The following ZNF771 variants were observed in gnomAD, a reference collection of about 807,000 sequenced individuals.
ZNF771 encodes the protein mesenchymal stem cell protein DSC43.
A neutral mutation model predicts 27.6 loss-of-function variants in ZNF771; 10 were observed. That is an observed-to-expected ratio of 0.36 (90% CI 0.22 to 0.61). The LOEUF (loss-of-function observed/expected upper bound fraction) is 0.61. Ranked by LOEUF, ZNF771 falls within the 20% of genes least tolerant of loss-of-function variation. ZNF771 has a pLI of 0.70. For synonymous variants in ZNF771, 261 were observed against 225.2 expected (o/e 1.16, Z -1.43); for missense variants, 438 against 503.7 (o/e 0.87, Z 1.25).
chr16:30,414,478 A>G (rs2151124909), intron 2 of ZNF771: 1 of 152,306 alleles, frequency 6.6e-6, no homozygotes, highest in Non-Finnish European at 1.5e-5. Context: ...CTCAGCTATC[A>G]AAAGAGAGAA....
chr16:30,416,615 T>C (rs1292256687), intron 2 of ZNF771, among the ~76,000 whole-genome samples: 2 of 152,194 alleles, frequency 1.3e-5, no homozygotes, highest in African/African-American at 4.8e-5. Flanking sequence ...TATCTTCTCT[T>C]GCCAGGTGGC....
chr16:30,417,247 C>G (rs1018682865), intron 2 of ZNF771, among the ~76,000 whole-genome samples: 4 of 152,220 alleles, frequency 2.6e-5, no homozygotes, highest in African/African-American at 9.7e-5. Flanking sequence ...TTTCTGAAAG[C>G]AGGAATTTTT....
intron 2 of ZNF771, among the ~76,000 whole-genome samples, chr16:30,415,336 C>CT (rs999807309): frequency 1.3e-5 from 2 of 151,688 alleles, no homozygotes; most frequent in African/African-American, 4.8e-5. Flanking sequence ...AAGTTGCCCT[C>CT]CTGCAGCTTC....
chr16:30,418,090 C>G lies in ZNF771; in HGVS notation c.677C>G (p.Thr226Arg), dbSNP rs966959550. 6.8e-7 allele frequency: 1 copy of G among 1,478,992 alleles called. No individual in the cohort carries two copies. The highest frequency in any genetic ancestry group is 2.9e-5 in the East Asian group (1 of 35,030). 91.6% of individuals were successfully genotyped at this position (1,478,992 alleles called of 1,614,324 possible). A position where few individuals can be genotyped will look rare whatever the true frequency, so the allele number is the denominator to read the frequency against. The change falls in exon 3 of 3, where the codon ACG becomes AGG. Residue 226 changes from threonine (T) to arginine (R), a missense_variant. This residue lies in a region of ZNF771 where 305 missense variants were observed against 308.0 expected (regional missense o/e 0.99). Transcript: ENST00000319296. ...CTGGCCAAGCACCGGCGCGTGCACACGGGCGAGAAGCCGCACCGCTGCGCT... is the reference window on the plus strand; with the variant it reads ...CTGGCCAAGCACCGGCGCGTGCACAGGGGCGAGAAGCCGCACCGCTGCGCT... ...SALAKHRRVH[T>R]GEKPHRCAVC...
Position 30,418,210 on chromosome 16 carries a change from G to A in ZNF771, c.797G>A (p.Arg266His), listed in dbSNP as rs2050148350. Residue 266 changes from arginine (R) to histidine (H), a missense_variant, in exon 3 of 3, where the codon CGC becomes CAC. This residue lies in a region of ZNF771 where 305 missense variants were observed against 308.0 expected (regional missense o/e 0.99). Coordinates refer to ENST00000319296, the MANE Select transcript of ZNF771 (RefSeq NM_001142305.2). ...ERPYPCAECG[R>H]RFRLSSHFIR... Reference sequence around the variant, plus strand: ...CCCTACCCCTGCGCCGAGTGCGGCCGCCGCTTCCGCCTAAGCTCGCACTTC... The same window carrying A: ...CCCTACCCCTGCGCCGAGTGCGGCCACCGCTTCCGCCTAAGCTCGCACTTC... The A allele has an allele frequency of 6.6e-7, 1 of 1,505,732 alleles. No homozygotes were observed. The highest frequency in any genetic ancestry group is 2.7e-5 in the East Asian group (1 of 36,928). 93.3% of individuals were successfully genotyped at this position (1,505,732 alleles called of 1,614,324 possible). A position where few individuals can be genotyped will look rare whatever the true frequency, so the allele number is the denominator to read the frequency against.
intron 2 of ZNF771, among the ~76,000 whole-genome samples, chr16:30,416,666 C>G (rs755403066): frequency 1.3e-5 from 2 of 152,118 alleles, no homozygotes; most frequent in Non-Finnish European, 2.9e-5. Flanking sequence ...CTGCTCTCTC[C>G]AACTCCTTCA....
rs754312715 is a variant in ZNF771, at chr16:30,418,058, C to T, written c.645C>T (p.Ser215=). 13 of 1,471,050 alleles carry T rather than the reference C, an allele frequency of 8.8e-6. No individual in the cohort carries two copies. Among genetic ancestry groups the T allele is most frequent in the Non-Finnish European group, 1.2e-5 (13 of 1,119,246 alleles). The allele number at this position is 1,471,050 out of a possible 1,614,324, so 91.1% of individuals were successfully genotyped here. Residue 215 remains serine, a synonymous_variant, in exon 3 of 3, where the codon AGC becomes AGT. Transcript: ENST00000319296. ...CADCGTRFAQ[S]SALAKHRRVH... is the part of the protein sequence containing the mutation. ...ACTGCGGCACGCGCTTCGCTCAGAGCTCGGCGCTGGCCAAGCACCGGCGCG... is the reference window on the plus strand; with the variant it reads ...ACTGCGGCACGCGCTTCGCTCAGAGTTCGGCGCTGGCCAAGCACCGGCGCG...
intron 2 of ZNF771, among the ~76,000 whole-genome samples, chr16:30,416,806 C>G (rs2050136276): frequency 6.6e-6 from 1 of 151,630 alleles, no homozygotes; most frequent in Non-Finnish European, 1.5e-5. Context: ...AAGCCAGAGC[C>G]AGGCACAGTG....
Position 30,418,021 on chromosome 16 carries a change from A to G in ZNF771, c.608A>G (p.Tyr203Cys). Residue 203 changes from tyrosine to cysteine, a missense_variant, in exon 3 of 3, where the codon TAC (tyrosine) becomes TGC (cysteine). Tyr to Cys is a radical substitution (Grantham distance 194, BLOSUM62 -2). This residue lies in a region of ZNF771 where 305 missense variants were observed against 308.0 expected (regional missense o/e 0.99). Transcript: ENST00000319296. ...CGCACGCACACGGGCGAGCGGCCCT[A>G]CGCTTGCGCCGACTGCGGCACGCGC... Reference protein sequence around the residue: ...HRRTHTGERPYACADCGTRFA... With the variant: ...HRRTHTGERPCACADCGTRFA... 6.9e-7 allele frequency: 1 copy of G among 1,454,096 alleles called. No individual in the cohort carries two copies. Among genetic ancestry groups the G allele is most frequent in the Non-Finnish European group, 9.0e-7 (1 of 1,113,874 alleles). 90.1% of individuals were successfully genotyped at this position (1,454,096 alleles called of 1,614,324 possible). A position where few individuals can be genotyped will look rare whatever the true frequency, so the allele number is the denominator to read the frequency against.
At chr16:30,414,789 ACC>A (rs2050124469) in intron 2 of ZNF771, among the ~76,000 whole-genome samples, 1 of 150,238 alleles carries the variant, frequency 6.7e-6, no homozygotes, top group Non-Finnish European at 1.5e-5. Context: ...GACTACAGGC[ACC>A]TGCCACCACG....
At position 30,417,920 on chromosome 16, in the gene ZNF771, C is replaced by T. The variant is rs2050144712; in HGVS notation, c.507C>T (p.His169=). ...ACTACGCACAGCACCTGCGCGTGCACACGGGCGAGAAGCCGTACGCGTGCC... is the reference window on the plus strand; with the variant it reads ...ACTACGCACAGCACCTGCGCGTGCATACGGGCGAGAAGCCGTACGCGTGCC... ...SSNYAQHLRV[H]TGEKPYACPD... The change falls in exon 3 of 3, where the codon CAC becomes CAT. Residue 169 remains histidine (H), a synonymous_variant. Coordinates refer to ENST00000319296, the MANE Select transcript of ZNF771 (RefSeq NM_001142305.2). The T allele has an allele frequency of 1.3e-6, 2 of 1,519,920 alleles. No individual in the cohort carries two copies. Among genetic ancestry groups the T allele is most frequent in the Non-Finnish European group, 1.7e-6 (2 of 1,143,440 alleles). The allele number at this position is 1,519,920 out of a possible 1,614,324, so 94.2% of individuals were successfully genotyped here.
intron 2 of ZNF771, among the ~76,000 whole-genome samples, chr16:30,410,246 G>A (rs1046533774): frequency 6.6e-6 from 1 of 152,052 alleles, no homozygotes; most frequent in Non-Finnish European, 1.5e-5. Context: ...GGGATTATAG[G>A]TGCGCACTAC....
At chr16:30,409,567 A>C (rs1018779064) in intron 2 of ZNF771, among the ~76,000 whole-genome samples, 1 of 152,192 alleles carries the variant, frequency 6.6e-6, no homozygotes, top group East Asian at 1.9e-4. Context: ...CTTTGGCCCC[A>C]GGGACCCAGC....
intron 2 of ZNF771, among the ~76,000 whole-genome samples, chr16:30,412,740 C>T (rs555866934): frequency 4.6e-5 from 7 of 151,610 alleles, no homozygotes; most frequent in African/African-American, 7.3e-5. Context: ...TGCAGTGAGC[C>T]GTGATCATGC....
intron 2 of ZNF771, among the ~76,000 whole-genome samples, chr16:30,413,413 T>C (rs546520373): frequency 1.3e-5 from 2 of 152,248 alleles, no homozygotes. Context: ...GTTAAATAAA[T>C]GTACCTTCAT....
rs867363809 is a variant in ZNF771 at position 30,417,826 on chromosome 16, G to T, written c.413G>T (p.Arg138Leu). Residue 138 changes from arginine to leucine, a missense_variant, in exon 3 of 3, where the codon CGG becomes CTG. Around this residue, in one of 3 missense-constraint regions of ZNF771, gnomAD observed 305 missense variants for 308.0 expected, o/e 0.99. Transcript: ENST00000319296. ...GCCGCCTCGAACCTGCGGCAGCACCGGCGGCGGCACACGGGCGAGAAGCCG... is the reference window on the plus strand; with the variant it reads ...GCCGCCTCGAACCTGCGGCAGCACCTGCGGCGGCACACGGGCGAGAAGCCG... ...FSAASNLRQH[R>L]RRHTGEKPYA... 1.3e-6 allele frequency: 2 copies of T among 1,498,090 alleles called. No individual in the cohort carries two copies. The highest frequency in any genetic ancestry group is 1.8e-6 in the Non-Finnish European group (2 of 1,131,550). 92.8% of individuals were successfully genotyped at this position (1,498,090 alleles called of 1,614,324 possible). A position where few individuals can be genotyped will look rare whatever the true frequency, so the allele number is the denominator to read the frequency against.
intron 2 of ZNF771, among the ~76,000 whole-genome samples, chr16:30,415,656 C>T (rs898633160): frequency 2.6e-5 from 4 of 152,222 alleles, no homozygotes; most frequent in Admixed American, 6.5e-5. Context: ...GCTGGTATTA[C>T]AGGCGTGAGC....
chr16:30,417,743 C>T lies in ZNF771; in HGVS notation c.330C>T (p.Gly110=). The change falls in exon 3 of 3, where the codon GGC becomes GGT. Residue 110 remains glycine, a synonymous_variant. Transcript: ENST00000319296. ...FSQKSALTKH[G]RTHTGERPYE... ...AGAAGTCGGCGCTGACCAAACACGG[C>T]CGCACGCACACGGGCGAGCGGCCCT... The T allele has an allele frequency of 7.1e-7, 1 of 1,411,132 alleles. No individual in the cohort carries two copies. The highest frequency in any genetic ancestry group is 9.2e-7 in the Non-Finnish European group (1 of 1,088,220). The allele number at this position is 1,411,132 out of a possible 1,614,324, so 87.4% of individuals were successfully genotyped here. A position where few individuals can be genotyped will look rare whatever the true frequency, so the allele number is the denominator to read the frequency against.
chr16:30,408,791 T>G (rs2050089940), intron 2 of ZNF771, among the ~76,000 whole-genome samples: 1 of 152,084 alleles, frequency 6.6e-6, no homozygotes, highest in African/African-American at 2.4e-5. Context: ...ATGGACCCAG[T>G]CAGAGGAAAT....
Sources: allele counts gnomAD v4.1 joint callset (sites outside exome capture counted in the v4.1 genomes callset), GRCh38; gene constraint gnomAD v4.1.1; regional missense constraint gnomAD v4.1.1; transcripts MANE v1.5; gene names NCBI Gene and HGNC (gene_info 2026-07-23, HGNC 2026-07-21).